Variants in LMLN observed in about 807,000 individuals in gnomAD.
LMLN encodes the protein leishmanolysin like peptidase.
In LMLN, 70 loss-of-function variants were observed where a neutral mutation model predicts 92.3. The observed-to-expected ratio is 0.76, with a 90% confidence interval of 0.63 to 0.92. The LOEUF is 0.92. LMLN is among the 40% of genes least tolerant of loss of function. The pLI is 0.00. For synonymous variants in LMLN, 308 were observed against 296.2 expected (o/e 1.04, Z -0.41); for missense variants, 691 against 814.6 (o/e 0.85, Z 1.85).
intron 13 of LMLN, among the ~76,000 whole-genome samples, chr3:198,024,112 C>T (rs1379269929): frequency 2.0e-5 from 3 of 151,968 alleles, no homozygotes; most frequent in East Asian, 3.9e-4. Flanking sequence ...ACCTAGAAAA[C>T]GTTGGGCCCA....
intron 1 of LMLN, among the ~76,000 whole-genome samples, chr3:197,968,308 T>TA (rs1030995045): frequency 4.5e-4 from 65 of 143,636 alleles, no homozygotes; most frequent in South Asian, 8.8e-4. Flanking sequence ...GTACTAAAAA[T>TA]AAAAAAAAAA....
chr3:198,014,377 A>G (rs1399965662), intron 11 of LMLN, among the ~76,000 whole-genome samples: 158 of 37,312 alleles, frequency 4.2e-3, no homozygotes, highest in Non-Finnish European at 4.6e-3. Flanking sequence ...TAACTAGTCT[A>G]ACTTCTCTGT....
chr3:197,976,571 A>C lies in LMLN; in HGVS notation c.432-27A>C, dbSNP rs1456695810. On this transcript the variant is annotated intron_variant, in intron 4 of 15. Transcript: ENST00000330198. The stretch of plus-strand genomic sequence containing the variant: ...ATAAAATATTCTCTTTTTTGTATTT[A>C]AACTTTGATGTACAAATGGACTGAA... 2.3e-6 allele frequency: 3 copies of C among 1,292,948 alleles called. No homozygotes were observed. In the African/African-American group the frequency reaches 4.5e-5, roughly 19 times the overall value. The allele number at this position is 1,292,948 out of a possible 1,614,324, so 80.1% of individuals were successfully genotyped here.
chr3:197,964,875 C>T (rs1018679464), intron 1 of LMLN, among the ~76,000 whole-genome samples: 8 of 151,874 alleles, frequency 5.3e-5, no homozygotes, highest in Admixed American at 1.3e-4. Context: ...GGTATGGTGG[C>T]GGGCACTTTT....
chr3:198,024,511 A>G (rs1289891279), intron 13 of LMLN, 147 bp from the exon 15 acceptor site: 6 of 683,720 alleles, frequency 8.8e-6, no homozygotes, highest in South Asian at 2.5e-5. Flanking sequence ...CACCGTGCCC[A>G]GCCTACCCTA....
chr3:197,982,332 T>A (rs536039652), intron 6 of LMLN, among the ~76,000 whole-genome samples: 1 of 151,782 alleles, frequency 6.6e-6, no homozygotes, highest in South Asian at 2.1e-4. Context: ...TTCAAGTGAT[T>A]CTCCTGCCTT....
intron 7 of LMLN, among the ~76,000 whole-genome samples, chr3:197,985,111 C>T (rs966740513): frequency 2.0e-5 from 3 of 152,134 alleles, no homozygotes; most frequent in East Asian, 1.9e-4. Context: ...TGAACACATA[C>T]GAATGTTTAT....
intron 11 of LMLN, among the ~76,000 whole-genome samples, chr3:198,008,609 C>G (rs1237493520): frequency 6.6e-6 from 1 of 152,172 alleles, no homozygotes; most frequent in African/African-American, 2.4e-5. Context: ...TGCCTGTAGT[C>G]CCAGCTACTC....
intron 13 of LMLN, among the ~76,000 whole-genome samples, chr3:198,024,446 A>ACCTCG (rs1222874553): frequency 6.6e-6 from 1 of 152,016 alleles, no homozygotes; most frequent in Non-Finnish European, 1.5e-5. Context: ...CCATCTTCTG[A>ACCTCG]CCTCGTGATC....
intron 14 of LMLN, among the ~76,000 whole-genome samples, chr3:198,028,942 A>T (rs1486236946): frequency 2.6e-5 from 4 of 152,208 alleles, no homozygotes; most frequent in African/African-American, 9.7e-5. Flanking sequence ...GTATCATCTT[A>T]CATCATTCCA....
chr3:198,024,677 C>T (rs532861848), exon 14 of LMLN: 11 of 1,593,234 alleles, frequency 6.9e-6, no homozygotes, highest in South Asian at 5.8e-5. Context: ...AGAACTATGG[C>T]GCTGAAAAGT....
chr3:197,974,266 A>G (rs1478738107), intron 1 of LMLN, 111 bp from the exon 2 acceptor site: 1 of 640,332 alleles, frequency 1.6e-6, no homozygotes, highest in Non-Finnish European at 2.7e-6. Context: ...GGGTCACAGA[A>G]CTTTTTCTCT....
At chr3:197,985,813 G>C (rs1721690394) in exon 8 of LMLN, 2 of 1,613,172 alleles carry the variant, frequency 1.2e-6, no homozygotes, top group East Asian at 4.5e-5. Context: ...CTGCTGGGCT[G>C]TTTGCATTCT....
chr3:197,960,989 G>C (rs951377984), intron 1 of LMLN, among the ~76,000 whole-genome samples: 1 of 152,050 alleles, frequency 6.6e-6, no homozygotes, highest in African/African-American at 2.4e-5. Context: ...GCTTTACCCG[G>C]TTCCTCTGCT....
At chr3:197,976,558 C>CTTTTT in intron 4 of LMLN, 40 bp from the exon 5 acceptor site, 1 of 1,171,978 alleles carries the variant, frequency 8.5e-7, no homozygotes, top group Non-Finnish European at 1.2e-6. Context: ...AAAATATTCT[C>CTTTTT]TTTTTTGTAT....
intron 1 of LMLN, among the ~76,000 whole-genome samples, chr3:197,967,316 A>G (rs113809904): frequency 0.067 from 10,141 of 152,294 alleles, 407 homozygotes; most frequent in African/African-American, 0.11. Context: ...AATACAGAGA[A>G]AGAGTACAAA....
intron 11 of LMLN, 136 bp from the exon 12 acceptor site, chr3:198,002,879 T>A: frequency 1.8e-6 from 1 of 569,270 alleles, no homozygotes; most frequent in Non-Finnish European, 3.1e-6. Flanking sequence ...GAGTGATCAC[T>A]TACAGTGATG....
intron 1 of LMLN, 101 bp from the exon 2 acceptor site, chr3:197,974,276 T>C (rs1174406691): frequency 6.1e-6 from 4 of 656,180 alleles, no homozygotes; most frequent in Non-Finnish European, 1.1e-5. Flanking sequence ...ACTTTTTCTC[T>C]GGGTATTACA....
chr3:198,036,179 A>G (rs1723230206), intron 15 of LMLN, 136 bp downstream of exon 16: 2 of 740,084 alleles, frequency 2.7e-6, no homozygotes, highest in African/African-American at 3.5e-5. Context: ...TTTTTATGGG[A>G]AGTTCCTCCT....
Sources: gnomAD v4.1 joint callset for allele counts (sites outside exome capture counted in the v4.1 genomes callset) on GRCh38, gnomAD v4.1.1 for gene constraint, MANE v1.5 for transcripts, NCBI Gene and HGNC (gene_info 2026-07-23, HGNC 2026-07-21) for gene names.